The following PRICKLE2 variants were observed in gnomAD, a reference collection of about 807,000 sequenced individuals.
PRICKLE2 encodes the protein prickle planar cell polarity protein 2.
PRICKLE2 carries 21 observed loss-of-function variants against 81.4 expected under a neutral mutation model. The observed-to-expected ratio is 0.26, with a 90% CI of 0.18 to 0.37. PRICKLE2 has a LOEUF of 0.37. PRICKLE2 is among the 10% of genes least tolerant of loss of function. PRICKLE2 has a pLI of 1.00. For missense variants in PRICKLE2, 940 were observed against 1,109.0 expected (o/e 0.85, Z 2.16); for synonymous variants, 456 against 421.5 (o/e 1.08, Z -1.00).
chr3:64,178,963 T>TTTTCCTTCTTTC (rs2078069794), intron 2 of PRICKLE2, among the ~76,000 whole-genome samples: 1 of 110,994 alleles, frequency 9.0e-6, no homozygotes, highest in Admixed American at 9.5e-5. Flanking sequence ...AACATACATA[T>TTTTCCTTCTTTC]TTTCTTTCTT....
rs1285791036 is a variant in PRICKLE2, at chr3:64,099,538, C to T, written c.2048G>A (p.Arg683Gln). 3 of 1,606,926 alleles carry T rather than the reference C, an allele frequency of 1.9e-6. No individual in the cohort carries two copies. The highest frequency in any genetic ancestry group is 2.6e-6 in the Non-Finnish European group (3 of 1,174,180). Residue 683 changes from arginine (R) to glutamine (Q), a missense_variant, in exon 8 of 8, where the codon CGA (arginine) becomes CAA (glutamine). Arg to Gln is a conservative substitution (Grantham distance 43, BLOSUM62 1). Transcript: ENST00000638394. This position sits in a 1 kb window ranked among gnomAD's most constrained non-coding sequence, Gnocchi z 4.3. ...ATSRDDNRRF[R>Q]PHRSRRSRRS... ...TCGGGAACGCCTGGACCTGTGAGGT[C>T]GGAAACGGCGGTTGTCGTCGCGTGA...
chr3:64,217,201 A>C (rs1300514507), intron 1 of PRICKLE2, among the ~76,000 whole-genome samples: 1 of 152,210 alleles, frequency 6.6e-6, no homozygotes, highest in African/African-American at 2.4e-5. Context: ...GACCTGGAGA[A>C]AGACCCTACA....
chr3:64,248,752 G>C (rs2079397677), intron 2 of PRICKLE2, among the ~76,000 whole-genome samples: 1 of 151,588 alleles, frequency 6.6e-6, no homozygotes, highest in African/African-American at 2.4e-5. Flanking sequence ...ACATTCTTTG[G>C]AAACCAAATC....
intron 2 of PRICKLE2, among the ~76,000 whole-genome samples, chr3:64,189,285 G>A (rs577695966): frequency 6.6e-6 from 1 of 152,242 alleles, no homozygotes; most frequent in East Asian, 1.9e-4. Context: ...GCAGTGGTGG[G>A]GAAACTGGAG....
rs553087868 is a variant in PRICKLE2, at chr3:64,116,653, T to C, written c.1661-16728A>G. 2.1e-3 allele frequency among the ~76,000 whole-genome samples: 321 copies of C among 152,214 alleles called. 1 individual carries two copies. The highest frequency in any genetic ancestry group is 3.9e-3 in the African/African-American group (161 of 41,542). ...CTTCCAAGAATGAACCAGGAAGAAA[T>C]TGAATCCCTGAACAGACCAATAATG... On this transcript the variant is annotated intron_variant, in intron 7 of 7. Transcript: ENST00000638394.
intron 2 of PRICKLE2, among the ~76,000 whole-genome samples, chr3:64,189,398 CT>C (rs1229121038): frequency 6.6e-6 from 1 of 152,176 alleles, no homozygotes; most frequent in African/African-American, 2.4e-5. Context: ...TGCTGTTCCC[CT>C]CCTCCAACTC....
intron 2 of PRICKLE2, among the ~76,000 whole-genome samples, chr3:64,177,492 G>A (rs373103777): frequency 6.6e-6 from 1 of 151,988 alleles, no homozygotes; most frequent in East Asian, 1.9e-4. Flanking sequence ...ACAATATCAT[G>A]CAATCATCAC....
chr3:64,266,881 C>CA (rs1305856669), intron 2 of PRICKLE2, among the ~76,000 whole-genome samples: 1 of 151,578 alleles, frequency 6.6e-6, no homozygotes, highest in East Asian at 1.9e-4. Flanking sequence ...TGGAATTTGG[C>CA]AATCCACACA....
chr3:64,175,423 G>A (rs17070062), intron 2 of PRICKLE2, among the ~76,000 whole-genome samples: 5,319 of 152,158 alleles, frequency 0.035, 310 homozygotes, highest in African/African-American at 0.12. Context: ...TTCTTAGATC[G>A]TGTCTTCAGT....
chr3:64,114,715 T>C (rs1472071874), intron 7 of PRICKLE2, among the ~76,000 whole-genome samples: 2 of 150,944 alleles, frequency 1.3e-5, no homozygotes, highest in African/African-American at 2.4e-5. Context: ...TTGAGAAATA[T>C]GGGATTATGT....
At position 64,099,016 on chromosome 3, in the gene PRICKLE2, C is replaced by T. The variant is rs1265967854; in HGVS notation, c.*35G>A. On this transcript the variant is annotated 3_prime_UTR_variant, in exon 8 of 8. Transcript: ENST00000638394. This position sits in a 1 kb window ranked among gnomAD's most constrained non-coding sequence, Gnocchi z 4.3. ...CAAGTTTCTGACTTTACATTCTTAG[C>T]TCCCATCTTCTCCCATTCCCTGATC... is the stretch of plus-strand genomic sequence containing the variant. 6 of 1,612,296 alleles carry T rather than the reference C, an allele frequency of 3.7e-6. No individual in the cohort carries two copies. The African/African-American group carries it at 8.0e-5, about 22-fold the overall frequency.
chr3:64,190,783 C>T lies in PRICKLE2; in HGVS notation c.144+8001G>A, dbSNP rs1033571462. On this transcript the variant is annotated intron_variant, in intron 2 of 7. Coordinates refer to ENST00000638394, the MANE Select transcript of PRICKLE2 (RefSeq NM_198859.4). ...AAGGAGCCTCTGCTGACCTGTTGATCCCCTAAGAGAGATGTGTAGAATATT... is the reference window on the plus strand; with the variant it reads ...AAGGAGCCTCTGCTGACCTGTTGATTCCCTAAGAGAGATGTGTAGAATATT... 4.6e-5 allele frequency among the ~76,000 whole-genome samples: 7 copies of T among 152,318 alleles called. 1 individual carries two copies. The South Asian group carries it at 1.5e-3, about 32-fold the overall frequency.
intron 7 of PRICKLE2, among the ~76,000 whole-genome samples, chr3:64,114,754 G>A (rs2076908433): frequency 1.3e-5 from 2 of 152,130 alleles, no homozygotes; most frequent in Non-Finnish European, 2.9e-5. Context: ...ACTGATTGGT[G>A]TCCTTGAAAG....
At chr3:64,221,465 A>T (rs551005042) in intron 1 of PRICKLE2, among the ~76,000 whole-genome samples, 164 of 152,014 alleles carry the variant, frequency 1.1e-3, no homozygotes, top group Non-Finnish European at 1.9e-3. Flanking sequence ...ACACGCACAC[A>T]CACAGCATAA....
rs904907709 is a variant in PRICKLE2 at position 64,095,379 on chromosome 3, G to C, written c.*3672C>G. The C allele has an allele frequency of 3.9e-5, 6 of 152,204 alleles. No individual in the cohort carries two copies. Among genetic ancestry groups the C allele is most frequent in the Admixed American group, 3.9e-4 (6 of 15,280 alleles). The allele number at this position is 152,204 out of a possible 1,614,324, so 9.4% of individuals were successfully genotyped here. On this transcript the variant is annotated 3_prime_UTR_variant, in exon 8 of 8. Transcript: ENST00000638394. ...CAAGAGAACCAAGAGTGGAAAGACA[G>C]ATATGAATCAGTTCACAAATAAGAT...
chr3:64,139,281 A>G (rs895235802), intron 7 of PRICKLE2, among the ~76,000 whole-genome samples: 2 of 152,260 alleles, frequency 1.3e-5, no homozygotes. Context: ...ATTCAGGCCA[A>G]TAAAACATGC....
intron 2 of PRICKLE2, among the ~76,000 whole-genome samples, chr3:64,258,501 T>C (rs2079560529): frequency 6.6e-6 from 1 of 151,626 alleles, no homozygotes; most frequent in Non-Finnish European, 1.5e-5. Flanking sequence ...TTATGTAAGG[T>C]ATAAAAACTG....
intron 2 of PRICKLE2, among the ~76,000 whole-genome samples, chr3:64,188,363 G>T (rs1040213965): frequency 4.6e-5 from 7 of 152,172 alleles, no homozygotes; most frequent in Admixed American, 1.3e-4. Flanking sequence ...TAGCAATGTG[G>T]CTTTTCCATT....
rs775914998 is a variant in PRICKLE2, at chr3:64,147,104, G to A, written c.1386C>T (p.Gly462=). 3 of 1,614,144 alleles carry A rather than the reference G, an allele frequency of 1.9e-6. No individual in the cohort carries two copies. The highest frequency in any genetic ancestry group is 2.5e-6 in the Non-Finnish European group (3 of 1,180,036). Residue 462 remains glycine, a synonymous_variant, in exon 7 of 8, where the codon GGC becomes GGT. Coordinates refer to ENST00000638394, the MANE Select transcript of PRICKLE2 (RefSeq NM_198859.4). The surrounding 1 kb of genome is among the most constrained non-coding windows in gnomAD (Gnocchi z 5.0). Reference sequence around the variant, plus strand: ...CTTCTCGGCATTCCTTGATGAAGCTGCCAGCATGTCCTGTCATGGCCAGTG... The same window carrying A: ...CTTCTCGGCATTCCTTGATGAAGCTACCAGCATGTCCTGTCATGGCCAGTG... The part of the protein sequence containing the change: ...SSSLAMTGHA[G]SFIKECREDY...
Sources: allele counts gnomAD v4.1 joint callset (sites outside exome capture counted in the v4.1 genomes callset), GRCh38; gene constraint gnomAD v4.1.1; non-coding constraint Gnocchi (gnomAD v3.1); transcripts MANE v1.5; gene names NCBI Gene and HGNC (gene_info 2026-07-23, HGNC 2026-07-21).